The following L3MBTL4 variants were observed in gnomAD, a reference collection of about 807,000 sequenced individuals.
L3MBTL4 encodes L3MBTL histone methyl-lysine binding protein 4, also known as lethal(3)malignant brain tumor-like protein 4.
A neutral mutation model predicts 84.5 loss-of-function variants in L3MBTL4; 70 were observed. That is an observed-to-expected ratio of 0.83 (90% CI 0.68 to 1.01). The LOEUF is 1.01. Among genes scored for constraint, L3MBTL4 ranks in the 50% least tolerant of loss-of-function variants. The pLI is 0.00. For missense variants in L3MBTL4, 715 were observed against 754.8 expected, an observed-to-expected ratio of 0.95 and a Z score of 0.62; for synonymous variants, 274 against 259.8, an observed-to-expected ratio of 1.05 and a Z score of -0.52.
chr18:6,139,649 C>A (rs563208884), intron 13 of L3MBTL4, among the ~76,000 whole-genome samples: 1 of 152,262 alleles, frequency 6.6e-6, no homozygotes, highest in South Asian at 2.1e-4. Context: ...TCTCAGACTT[C>A]CATTTCCTGT....
intron 3 of L3MBTL4, among the ~76,000 whole-genome samples, chr18:6,302,189 C>G (rs1452589216): frequency 2.6e-5 from 4 of 152,050 alleles, no homozygotes; most frequent in African/African-American, 9.7e-5. Context: ...ATAAAAGAGA[C>G]AGGAAGCTTT....
chr18:6,319,495 G>A (rs1181420284), intron 1 of L3MBTL4, among the ~76,000 whole-genome samples: 1 of 152,012 alleles, frequency 6.6e-6, no homozygotes, highest in African/African-American at 2.4e-5. Context: ...TGTGACTACT[G>A]TTAACACCTC....
chr18:6,042,800 C>T (rs570847061), intron 16 of L3MBTL4, among the ~76,000 whole-genome samples: 1 of 152,298 alleles, frequency 6.6e-6, no homozygotes, highest in South Asian at 2.1e-4. Context: ...AGTTCAACTG[C>T]CACCTCTGTG....
At chr18:6,300,463 G>T (rs2146817520) in intron 4 of L3MBTL4, among the ~76,000 whole-genome samples, 1 of 152,220 alleles carries the variant, frequency 6.6e-6, no homozygotes, top group Admixed American at 6.5e-5. Flanking sequence ...ACAGCAAAAA[G>T]TTACTTTCTG....
Position 5,969,444 on chromosome 18 carries a change from T to G in L3MBTL4, c.1563A>C (p.Pro521=). 1 of 1,613,926 alleles carries G rather than the reference T, an allele frequency of 6.2e-7. No individual in the cohort carries two copies. Among genetic ancestry groups the G allele is most frequent in the Non-Finnish European group, 8.5e-7 (1 of 1,180,020 alleles). Reference sequence around the variant, plus strand: ...GGCTGGCCCGGATGTCAGCCACGCCTGGAAGCAACTTGCAGTGTTGCTCCC... The same window carrying G: ...GGCTGGCCCGGATGTCAGCCACGCCGGGAAGCAACTTGCAGTGTTGCTCCC... ...LGREQHCKLL[P]GVADIRASQV... The change falls in exon 17 of 19, where the codon CCA becomes CCC. Residue 521 remains proline, a synonymous_variant. Transcript: ENST00000317931.
intron 14 of L3MBTL4, among the ~76,000 whole-genome samples, chr18:6,122,560 G>T (rs965269813): frequency 1.3e-5 from 2 of 152,160 alleles, no homozygotes; most frequent in Non-Finnish European, 2.9e-5. Context: ...GACATGACTT[G>T]CTCTTCCTTG....
At chr18:6,156,322 A>C (rs1437042973) in intron 13 of L3MBTL4, among the ~76,000 whole-genome samples, 1 of 152,138 alleles carries the variant, frequency 6.6e-6, no homozygotes, top group African/African-American at 2.4e-5. Context: ...GGACTTTGCA[A>C]ACCCTAGAAC....
chr18:6,386,680 T>G (rs2054833786), intron 1 of L3MBTL4, among the ~76,000 whole-genome samples: 1 of 151,856 alleles, frequency 6.6e-6, no homozygotes. Context: ...TAAGGAGAAG[T>G]GTAGAAGTCC....
intron 4 of L3MBTL4, among the ~76,000 whole-genome samples, chr18:6,265,983 A>C (rs1385109508): frequency 6.6e-6 from 1 of 152,210 alleles, no homozygotes. Flanking sequence ...ATGACAAAAA[A>C]CATAAGTATG....
Position 5,963,177 on chromosome 18 carries a change from G to A in L3MBTL4, c.1615-3021C>T, listed in dbSNP as rs1204369902. Among the ~76,000 whole-genome samples the A allele has an allele frequency of 4.6e-5, 7 of 152,242 alleles. No individual in the cohort carries two copies. In the South Asian group the frequency reaches 1.2e-3, roughly 27 times the overall value. On this transcript the variant is annotated intron_variant, in intron 17 of 18. Transcript: ENST00000317931. ...CACAGGGACAGTGGCTTCCCCACTG[G>A]TAGGGAAAGAAGTGGTTGGTTAGAA... is the stretch of plus-strand genomic sequence containing the variant.
rs181794271 is a variant in L3MBTL4, at chr18:6,073,113, G to A, written c.1444+7768C>T. ...CAGCCAAAAATTGGTCCATTGTAAA[G>A]ATAAGTAAACCTTTAGCAGGATTAA... On this transcript the variant is annotated intron_variant, in intron 16 of 18. Transcript: ENST00000317931. Among the ~76,000 whole-genome samples the A allele has an allele frequency of 2.3e-3, 348 of 150,590 alleles. 4 individuals carry two copies. The highest frequency in any genetic ancestry group is 7.7e-3 in the African/African-American group (316 of 40,964).
At chr18:5,983,903 C>G (rs1050910408) in intron 16 of L3MBTL4, among the ~76,000 whole-genome samples, 2 of 152,186 alleles carry the variant, frequency 1.3e-5, no homozygotes, top group African/African-American at 4.8e-5. Flanking sequence ...CTGGGAATGG[C>G]AAGATCATCT....
At chr18:6,341,788 A>T (rs890289287) in intron 1 of L3MBTL4, among the ~76,000 whole-genome samples, 9 of 152,142 alleles carry the variant, frequency 5.9e-5, no homozygotes, top group South Asian at 2.1e-4. Flanking sequence ...AGATCCAGGA[A>T]GTCCAAAGAA....
intron 13 of L3MBTL4, among the ~76,000 whole-genome samples, chr18:6,168,299 C>T (rs1054115610): frequency 3.3e-5 from 5 of 152,260 alleles, no homozygotes; most frequent in African/African-American, 1.2e-4. Context: ...CTACCAATGA[C>T]CTTCTTCACA....
chr18:6,008,011 TA>T (rs978755331), intron 16 of L3MBTL4, among the ~76,000 whole-genome samples: 1 of 152,170 alleles, frequency 6.6e-6, no homozygotes, highest in African/African-American at 2.4e-5. Flanking sequence ...AAAATCAAAT[TA>T]AAAAGGCAAA....
chr18:6,407,077 A>G (rs2055767259), intron 1 of L3MBTL4, among the ~76,000 whole-genome samples: 1 of 152,214 alleles, frequency 6.6e-6, no homozygotes, highest in South Asian at 2.1e-4. Flanking sequence ...AGTGATGGGC[A>G]TTGTTTGTTT....
chr18:5,998,674 TGG>T, intron 16 of L3MBTL4, among the ~76,000 whole-genome samples: 1 of 152,282 alleles, frequency 6.6e-6, no homozygotes, highest in Non-Finnish European at 1.5e-5. Flanking sequence ...CTAAGTCACG[TGG>T]GGAAGGGGCG....
At chr18:6,261,824 C>T (rs1476836357) in intron 5 of L3MBTL4, among the ~76,000 whole-genome samples, 2 of 152,188 alleles carry the variant, frequency 1.3e-5, no homozygotes, top group African/African-American at 2.4e-5. Context: ...TGTTAATACC[C>T]TGACGGGCTG....
intron 5 of L3MBTL4, among the ~76,000 whole-genome samples, chr18:6,261,098 A>AAATTCATAAT (rs2048380334): frequency 6.6e-6 from 1 of 152,142 alleles, no homozygotes. Flanking sequence ...CACACATGGA[A>AAATTCATAAT]TTCCTCATAA....
Sources: allele counts gnomAD v4.1 joint callset (sites outside exome capture counted in the v4.1 genomes callset), GRCh38; gene constraint gnomAD v4.1.1; transcripts MANE v1.5; gene names NCBI Gene and HGNC (gene_info 2026-07-23, HGNC 2026-07-21).